Variants in PCDHGB5 observed in about 807,000 individuals in gnomAD.
PCDHGB5 encodes the protein protocadherin gamma subfamily B, 5, also known as protocadherin gamma-B5.
Under a neutral mutation model 62.9 loss-of-function variants are expected in PCDHGB5, and 48 were observed. The ratio of observed to expected loss-of-function variants is 0.76; its 90% CI spans 0.61 to 0.97. PCDHGB5 has a LOEUF of 0.97. Ranked by LOEUF, PCDHGB5 falls within the 50% of genes least tolerant of loss-of-function variation. The probability of loss-of-function intolerance (pLI) is 0.00; values close to 1 mark genes in which losing one functional copy is unlikely to be tolerated. For missense variants in PCDHGB5, 1,118 were observed against 1,198.6 expected (o/e 0.93, Z 0.99); for synonymous variants, 474 against 511.2 (o/e 0.93, Z 0.98).
rs146358809 is a variant in PCDHGB5, at chr5:141,480,913, C to T, written c.2398-13894C>T. 4.1e-3 allele frequency among the ~76,000 whole-genome samples: 617 copies of T among 152,096 alleles called. 6 individuals are homozygous for T. Among genetic ancestry groups the T allele is most frequent in the Admixed American group, 0.011 (171 of 15,272 alleles). ...TGCAAACATTAGCTGGGCATGGTGG[C>T]GCATACCTGTAGTCCCAGCTACTCT... On this transcript the variant is annotated intron_variant, in intron 1 of 3. Transcript: ENST00000617380.
intron 1 of PCDHGB5, chr5:141,417,739 C>T: frequency 6.4e-6 from 9 of 1,411,706 alleles, no homozygotes; most frequent in Non-Finnish European, 5.6e-6. Flanking sequence ...GCCCAGCACA[C>T]CAGATTGCCA....
chr5:141,410,849 C>CTTTTTTTTTTTT lies in PCDHGB5; in HGVS notation c.2397+10336_2397+10347dup. The CTTTTTTTTTTTT allele has an allele frequency of 2.7e-3, 375 of 138,154 alleles. 24 individuals are homozygous for CTTTTTTTTTTTT. The highest frequency in any genetic ancestry group is 6.9e-3 in the African/African-American group (114 of 16,622). 8.6% of individuals were successfully genotyped at this position (138,154 alleles called of 1,614,324 possible). ...CAGACTGAAGATATTTTGTCTTTGTCTTTTTTTTTTTTTTTTTTTTTTGAG... is the reference window on the plus strand; with the variant it reads ...CAGACTGAAGATATTTTGTCTTTGTCTTTTTTTTTTTTTTTTTTTTTTTTTTTTTTTTTTGAG... On this transcript the variant is annotated intron_variant, in intron 1 of 3. Coordinates refer to ENST00000617380, the MANE Select transcript of PCDHGB5 (RefSeq NM_018925.3).
chr5:141,486,590 C>T lies in PCDHGB5; in HGVS notation c.2398-8217C>T, dbSNP rs781629297. On this transcript the variant is annotated intron_variant, in intron 1 of 3. Transcript: ENST00000617380. This position sits in a 1 kb window ranked among gnomAD's most constrained non-coding sequence, Gnocchi z 5.0. Reference sequence around the variant, plus strand: ...TCCTGAGAACAATCGCCCAGGGGACCTGCTTTGCTCCCTTGCAGCCTCTGA... The same window carrying T: ...TCCTGAGAACAATCGCCCAGGGGACTTGCTTTGCTCCCTTGCAGCCTCTGA... The T allele has an allele frequency of 6.2e-7, 1 of 1,613,640 alleles. No individual in the cohort carries two copies.
intron 2 of PCDHGB5, among the ~76,000 whole-genome samples, chr5:141,498,815 C>T (rs1595543994): frequency 6.6e-6 from 1 of 152,032 alleles, no homozygotes. Flanking sequence ...CACCTGTAGT[C>T]CCAGCTACTC....
In PCDHGB5 at chr5:141,405,165, C is replaced by G. The variant is rs745998723; in HGVS notation, c.2397+4641C>G. 1.9e-6 allele frequency: 3 copies of G among 1,613,978 alleles called. No individual in the cohort carries two copies. In the South Asian group the frequency reaches 3.3e-5, roughly 18 times the overall value. On this transcript the variant is annotated intron_variant, in intron 1 of 3. Transcript: ENST00000617380. Reference sequence around the variant, plus strand: ...GATGGGTTGGCTGGTGTGCCCACCTCACACTTTGTGGGTGTAGATGGGGTT... The same window carrying G: ...GATGGGTTGGCTGGTGTGCCCACCTGACACTTTGTGGGTGTAGATGGGGTT...
Position 141,410,441 on chromosome 5 carries a change from A to T in PCDHGB5, c.2397+9917A>T. ...AGTTCCCCCCAACTACAGTGAGGGGACTTTGCCTTATTCTTATAATCTGTG... is the reference window on the plus strand; with the variant it reads ...AGTTCCCCCCAACTACAGTGAGGGGTCTTTGCCTTATTCTTATAATCTGTG... On this transcript the variant is annotated intron_variant, in intron 1 of 3. Transcript: ENST00000617380. 2 of 1,613,946 alleles carry T rather than the reference A, an allele frequency of 1.2e-6. 1 individual carries two copies. The highest frequency in any genetic ancestry group is 2.2e-5 in the South Asian group (2 of 91,074).
Position 141,485,943 on chromosome 5 carries a change from C to A in PCDHGB5, c.2398-8864C>A, listed in dbSNP as rs750871245. The A allele has an allele frequency of 1.9e-6, 3 of 1,614,126 alleles. No individual in the cohort carries two copies. Among genetic ancestry groups the A allele is most frequent in the Non-Finnish European group, 1.7e-6 (2 of 1,180,012 alleles). ...ATTAGTGTGTTGGAGAGCGCACCAG[C>A]GGGCATGGTGCTCATCCAGCTCAAT... is the stretch of plus-strand genomic sequence containing the variant. On this transcript the variant is annotated intron_variant, in intron 1 of 3. Coordinates refer to ENST00000617380, the MANE Select transcript of PCDHGB5 (RefSeq NM_018925.3). The surrounding 1 kb of genome is among the most constrained non-coding windows in gnomAD (Gnocchi z 5.7).
intron 1 of PCDHGB5, among the ~76,000 whole-genome samples, chr5:141,457,968 G>A (rs919621979): frequency 6.6e-6 from 1 of 152,120 alleles, no homozygotes; most frequent in African/African-American, 2.4e-5. Context: ...TTCCTTAAAG[G>A]GAAACACACC....
intron 1 of PCDHGB5, chr5:141,404,304 C>T (rs1182256144): frequency 1.2e-6 from 2 of 1,613,858 alleles, no homozygotes; most frequent in African/African-American, 2.7e-5. Flanking sequence ...AATCCACCTG[C>T]TTTCTCTCAA....
intron 1 of PCDHGB5, chr5:141,407,937 C>G: frequency 2.0e-6 from 1 of 511,428 alleles, no homozygotes; most frequent in Non-Finnish European, 3.3e-6. Context: ...AGCCTCTGGG[C>G]GCCGCTGTCG....
chr5:141,511,537 A>G lies in PCDHGB5; in HGVS notation c.*364A>G. 2 of 319,256 alleles carry G rather than the reference A, an allele frequency of 6.3e-6. No individual in the cohort carries two copies. Among genetic ancestry groups the G allele is most frequent in the South Asian group, 3.3e-5 (1 of 29,854 alleles). 19.8% of individuals were successfully genotyped at this position (319,256 alleles called of 1,614,324 possible). A position where few individuals can be genotyped will look rare whatever the true frequency, so the allele number is the denominator to read the frequency against. On this transcript the variant is annotated 3_prime_UTR_variant, in exon 4 of 4. Coordinates refer to ENST00000617380, the MANE Select transcript of PCDHGB5 (RefSeq NM_018925.3). ...TCCATCCCATGCCTCCCTCCTCCCC[A>G]CCCCACTCCAACAGTTCCTCTTTCC... is the stretch of plus-strand genomic sequence containing the variant.
In PCDHGB5 at chr5:141,431,221, A is replaced by T; in HGVS notation, c.2397+30697A>T. 6.2e-7 allele frequency: 1 copy of T among 1,614,124 alleles called. No homozygotes were observed. The highest frequency in any genetic ancestry group is 8.5e-7 in the Non-Finnish European group (1 of 1,180,026). On this transcript the variant is annotated intron_variant, in intron 1 of 3. Transcript: ENST00000617380. The surrounding 1 kb of genome is among the most constrained non-coding windows in gnomAD (Gnocchi z 4.8). Reference sequence around the variant, plus strand: ...CAGCCACTGAGATGCGGTTCCCTCTACCCCACGCCTGGGATCCGGATATCG... The same window carrying T: ...CAGCCACTGAGATGCGGTTCCCTCTTCCCCACGCCTGGGATCCGGATATCG...
Position 141,432,010 on chromosome 5 carries a change from CT to C in PCDHGB5, c.2397+31487del. The C allele has an allele frequency of 6.2e-7, 1 of 1,614,068 alleles. No individual in the cohort carries two copies. Among genetic ancestry groups the C allele is most frequent in the Non-Finnish European group, 8.5e-7 (1 of 1,180,022 alleles). ...TCTTGGATAGGGAACAGGTTCCTAG[CT>C]ACAACATCACAGTGACCGCCACTGA... On this transcript the variant is annotated intron_variant, in intron 1 of 3. Coordinates refer to ENST00000617380, the MANE Select transcript of PCDHGB5 (RefSeq NM_018925.3). This position sits in a 1 kb window ranked among gnomAD's most constrained non-coding sequence, Gnocchi z 6.0.
intron 1 of PCDHGB5, chr5:141,418,787 G>A: frequency 6.2e-7 from 1 of 1,613,794 alleles, no homozygotes; most frequent in Non-Finnish European, 8.5e-7. Context: ...TTTGGATTTT[G>A]AAGAAGTAGA....
chr5:141,430,795 G>T (rs918154748), intron 1 of PCDHGB5: 7 of 1,522,458 alleles, frequency 4.6e-6, no homozygotes, highest in Non-Finnish European at 6.2e-6. Flanking sequence ...ACTACAAAGG[G>T]CTTGTCCTGC....
At chr5:141,456,949 C>A (rs1277351419) in intron 1 of PCDHGB5, among the ~76,000 whole-genome samples, 2 of 152,080 alleles carry the variant, frequency 1.3e-5, no homozygotes, top group East Asian at 3.9e-4. Flanking sequence ...GGCAACAGAG[C>A]AAAACTCCAT....
In PCDHGB5 at chr5:141,485,580, A is replaced by C. The variant is rs761157560; in HGVS notation, c.2398-9227A>C. The C allele has an allele frequency of 6.2e-7, 1 of 1,612,610 alleles. No homozygotes were observed. The highest frequency in any genetic ancestry group is 2.2e-5 in the East Asian group (1 of 44,850). ...GATCACGCCCCCCGTTTTCCGCGGCAGCAGCTGGACTTGGAAATTGGGGAG... is the reference window on the plus strand; with the variant it reads ...GATCACGCCCCCCGTTTTCCGCGGCCGCAGCTGGACTTGGAAATTGGGGAG... On this transcript the variant is annotated intron_variant, in intron 1 of 3. Transcript: ENST00000617380. The surrounding 1 kb of genome is among the most constrained non-coding windows in gnomAD (Gnocchi z 5.7).
At chr5:141,455,244 T>A (rs977940552) in intron 1 of PCDHGB5, among the ~76,000 whole-genome samples, 4 of 152,142 alleles carry the variant, frequency 2.6e-5, no homozygotes, top group Non-Finnish European at 4.4e-5. Flanking sequence ...TTAAAGGTCA[T>A]AGTACAATCG....
chr5:141,508,451 C>T (rs1245251907), intron 3 of PCDHGB5, among the ~76,000 whole-genome samples: 1 of 152,180 alleles, frequency 6.6e-6, no homozygotes, highest in Admixed American at 6.5e-5. Flanking sequence ...AGTGGCAGAG[C>T]AGAGCAAATA....
Sources: gnomAD v4.1 joint callset for allele counts (sites outside exome capture counted in the v4.1 genomes callset) on GRCh38, gnomAD v4.1.1 for gene constraint, Gnocchi (gnomAD v3.1) non-coding constraint, MANE v1.5 for transcripts, NCBI Gene and HGNC (gene_info 2026-07-23, HGNC 2026-07-21) for gene names.